Variants in CRTC3 observed in about 807,000 individuals in gnomAD.
CRTC3 encodes CREB-regulated transcription coactivator 3.
In CRTC3, 26 loss-of-function variants were observed where a neutral mutation model predicts 74.5. That is an observed-to-expected ratio of 0.35 (90% CI 0.26 to 0.48). The LOEUF is 0.48. Ranked by LOEUF, CRTC3 falls within the 20% of genes least tolerant of loss-of-function variation. The pLI is 0.99. For synonymous variants in CRTC3, 377 were observed against 325.8 expected (o/e 1.16, Z -1.69); for missense variants, 760 against 787.3 (o/e 0.97, Z 0.41).
At chr15:90,589,547 A>G (rs1967750400) in intron 2 of CRTC3, among the ~76,000 whole-genome samples, 1 of 152,116 alleles carries the variant, frequency 6.6e-6, no homozygotes, top group Non-Finnish European at 1.5e-5. Context: ...TTGTAGAGAC[A>G]GGGTCTCACA....
At position 90,629,339 on chromosome 15, in the gene CRTC3, C is replaced by G. The variant is rs1968952745; in HGVS notation, c.1073C>G (p.Ser358Cys). The G allele has an allele frequency of 1.2e-6, 2 of 1,614,040 alleles. No homozygotes were observed. Among genetic ancestry groups the G allele is most frequent in the African/African-American group, 2.7e-5 (2 of 74,906 alleles). Residue 358 changes from serine (S) to cysteine (C), a missense_variant, in exon 11 of 15, where the codon TCT becomes TGT. Physicochemically the swap from Ser to Cys is moderately radical, Grantham distance 112. This residue lies in a region of CRTC3 where 652 missense variants were observed against 635.2 expected (regional missense o/e 1.03). Transcript: ENST00000268184. The stretch of plus-strand genomic sequence containing the variant: ...CCACAGACATCTGTTCCCAACGCAT[C>G]TGCTCTTCACCCTTCGCTCCGTCTG... ...NHPQTSVPNA[S>C]ALHPSLRLFS... is the part of the protein sequence containing the mutation.
intron 6 of CRTC3, among the ~76,000 whole-genome samples, chr15:90,613,226 G>A (rs1018402376): frequency 6.7e-6 from 1 of 150,058 alleles, no homozygotes; most frequent in African/African-American, 2.5e-5. Flanking sequence ...TTCCTTGGCC[G>A]ACTCTCACAC....
intron 9 of CRTC3, among the ~76,000 whole-genome samples, chr15:90,622,269 G>A (rs1270645276): frequency 1.3e-5 from 2 of 152,146 alleles, no homozygotes; most frequent in Non-Finnish European, 2.9e-5. Flanking sequence ...ACTATATTTG[G>A]AAAGGAACCA....
chr15:90,593,730 G>T lies in CRTC3; in HGVS notation c.326G>T (p.Arg109Met). 1 of 1,609,324 alleles carries T rather than the reference G, an allele frequency of 6.2e-7. No individual in the cohort carries two copies. Among genetic ancestry groups the T allele is most frequent in the Non-Finnish European group, 8.5e-7 (1 of 1,176,126 alleles). Residue 109 changes from arginine (R) to methionine (M), a missense_variant, in exon 3 of 15, where the codon AGG becomes ATG. Arg to Met is a moderately conservative substitution (Grantham distance 91). Around this residue, in one of 2 missense-constraint regions of CRTC3, gnomAD observed 652 missense variants for 635.2 expected, o/e 1.03. Coordinates refer to ENST00000268184, the MANE Select transcript of CRTC3 (RefSeq NM_022769.5). Reference sequence around the variant, plus strand: ...AACCGCTTCCACCCCCTCCACCGAAGGTCTGGGGACAAGCCAGGGCGACAA... The same window carrying T: ...AACCGCTTCCACCCCCTCCACCGAATGTCTGGGGACAAGCCAGGGCGACAA... ...SRNRFHPLHR[R>M]SGDKPGRQFD...
intron 1 of CRTC3, among the ~76,000 whole-genome samples, chr15:90,535,110 G>A (rs1305796039): frequency 1.3e-5 from 2 of 150,760 alleles, no homozygotes; most frequent in Non-Finnish European, 2.9e-5. Flanking sequence ...GCAGTGAGCC[G>A]AGATTGTGCC....
intron 2 of CRTC3, among the ~76,000 whole-genome samples, chr15:90,566,410 C>T (rs1199350452): frequency 6.6e-6 from 1 of 151,814 alleles, no homozygotes; most frequent in African/African-American, 2.4e-5. Flanking sequence ...ATTAGCCGGG[C>T]ATGGTGGCGT....
chr15:90,577,382 GTGTTGGTATATGTTCCCTGAC>G (rs1967432154), intron 2 of CRTC3, among the ~76,000 whole-genome samples: 1 of 152,198 alleles, frequency 6.6e-6, no homozygotes, highest in Non-Finnish European at 1.5e-5. Flanking sequence ...GTCAATTATA[GTGTTGGTATATGTTCCCTGAC>G]AGTTTTGACT....
At chr15:90,545,631 C>T (rs1255491165) in intron 2 of CRTC3, among the ~76,000 whole-genome samples, 10 of 150,716 alleles carry the variant, frequency 6.6e-5, no homozygotes, top group Non-Finnish European at 1.2e-4. Flanking sequence ...GGCTGGAGTG[C>T]AGTGGCACGA....
intron 2 of CRTC3, among the ~76,000 whole-genome samples, chr15:90,575,776 G>T (rs1047189329): frequency 1.3e-5 from 2 of 152,056 alleles, no homozygotes; most frequent in Non-Finnish European, 2.9e-5. Context: ...GCTGCTTTTC[G>T]GTGATTTTTC....
chr15:90,549,462 T>G (rs1339387952), intron 2 of CRTC3, among the ~76,000 whole-genome samples: 1 of 152,190 alleles, frequency 6.6e-6, no homozygotes, highest in Non-Finnish European at 1.5e-5. Context: ...TTTTAAAGCC[T>G]TTTTAATAAC....
chr15:90,571,954 G>T (rs1377978724), intron 2 of CRTC3, among the ~76,000 whole-genome samples: 1 of 152,062 alleles, frequency 6.6e-6, no homozygotes, highest in Non-Finnish European at 1.5e-5. Context: ...CTGAGGTCAG[G>T]AGTTCAAGAC....
At chr15:90,590,065 C>T (rs971774316) in intron 2 of CRTC3, among the ~76,000 whole-genome samples, 5 of 147,138 alleles carry the variant, frequency 3.4e-5, no homozygotes, top group South Asian at 2.2e-4. Context: ...CTGAGGCGGG[C>T]GGATTGCCTG....
intron 9 of CRTC3, chr15:90,624,773 G>A (rs1968770914): frequency 6.6e-6 from 1 of 152,086 alleles, no homozygotes; most frequent in South Asian, 2.1e-4. Flanking sequence ...CTGGCTAGCA[G>A]GCCCCTCCCT....
chr15:90,569,652 C>G (rs1460281485), intron 2 of CRTC3, among the ~76,000 whole-genome samples: 2 of 151,440 alleles, frequency 1.3e-5, no homozygotes, highest in Non-Finnish European at 2.9e-5. Context: ...GTGATCATAG[C>G]TCACTGCAAC....
intron 2 of CRTC3, among the ~76,000 whole-genome samples, chr15:90,560,979 C>G (rs965682989): frequency 2.6e-5 from 4 of 152,128 alleles, no homozygotes; most frequent in African/African-American, 9.7e-5. Context: ...TCAAAATAAA[C>G]AAAATTTTCA....
intron 9 of CRTC3, among the ~76,000 whole-genome samples, chr15:90,623,946 A>G (rs963601184): frequency 3.3e-5 from 5 of 152,156 alleles, no homozygotes. Flanking sequence ...TGACTAGATC[A>G]CCTGAGTTCT....
intron 2 of CRTC3, among the ~76,000 whole-genome samples, chr15:90,553,106 G>A (rs765378086): frequency 9.2e-5 from 14 of 152,062 alleles, no homozygotes; most frequent in South Asian, 2.1e-4. Context: ...AATTATTTCC[G>A]GGAAAGATGT....
chr15:90,544,105 G>T (rs1198468518), intron 2 of CRTC3, among the ~76,000 whole-genome samples: 3 of 152,216 alleles, frequency 2.0e-5, no homozygotes, highest in Non-Finnish European at 2.9e-5. Context: ...GAGTCCAGAA[G>T]TTGGAAATCA....
chr15:90,624,864 G>C (rs938196689), intron 9 of CRTC3: 1 of 152,746 alleles, frequency 6.5e-6, no homozygotes, highest in African/African-American at 2.4e-5. Context: ...GGGGTGGCTA[G>C]AGAGTCAGCA....
Sources: allele counts gnomAD v4.1 joint callset (sites outside exome capture counted in the v4.1 genomes callset), GRCh38; gene constraint gnomAD v4.1.1; regional missense constraint gnomAD v4.1.1; transcripts MANE v1.5; gene names NCBI Gene and HGNC (gene_info 2026-07-23, HGNC 2026-07-21).